The following CDH18 variants were observed in gnomAD, a reference collection of about 807,000 sequenced individuals.
CDH18 encodes cadherin 18.
In CDH18, 31 loss-of-function variants were observed where a neutral mutation model predicts 67.9. The observed-to-expected ratio is 0.46, with a 90% confidence interval of 0.34 to 0.62. CDH18 has a LOEUF of 0.62. Among genes scored for constraint, CDH18 ranks in the 20% least tolerant of loss-of-function variants. The pLI, the probability that CDH18 is intolerant of heterozygous loss-of-function variation, is 0.01. For synonymous variants in CDH18, 362 were observed against 347.2 expected (o/e 1.04, Z -0.48); for missense variants, 890 against 975.5 (o/e 0.91, Z 1.17).
intron 1 of CDH18, among the ~76,000 whole-genome samples, chr5:20,329,636 G>A (rs919952368): frequency 1.1e-4 from 17 of 151,870 alleles, no homozygotes; most frequent in Admixed American, 3.9e-4. Context: ...CGGACGTGGT[G>A]GTGGGCATCT....
intron 1 of CDH18, among the ~76,000 whole-genome samples, chr5:20,442,723 G>A (rs1460420045): frequency 6.6e-6 from 1 of 151,916 alleles, no homozygotes; most frequent in Non-Finnish European, 1.5e-5. Flanking sequence ...ACTGTTGCTG[G>A]AAAGGGGTCT....
intron 1 of CDH18, among the ~76,000 whole-genome samples, chr5:20,417,222 T>G (rs1042603863): frequency 6.6e-6 from 1 of 152,142 alleles, no homozygotes; most frequent in African/African-American, 2.4e-5. Flanking sequence ...TTTAATAACG[T>G]AGCTGTTCTG....
At chr5:20,078,867 C>T (rs1272237349) in intron 2 of CDH18, among the ~76,000 whole-genome samples, 2 of 152,172 alleles carry the variant, frequency 1.3e-5, no homozygotes, top group African/African-American at 2.4e-5. Context: ...CCACCCGCCT[C>T]GGCCTCCCAA....
rs553828730 is a variant in CDH18, at chr5:20,038,722, C to T, written c.-517-46708G>A. Among the ~76,000 whole-genome samples the T allele has an allele frequency of 3.3e-3, 499 of 152,146 alleles. 2 individuals are homozygous for T. The highest frequency in any genetic ancestry group is 0.012 in the African/African-American group (481 of 41,528). The stretch of plus-strand genomic sequence containing the variant: ...AATAATAAGAGCTATTTATGACAAA[C>T]CCACAGCCAATATCATACTTAATGG... On this transcript the variant is annotated intron_variant, in intron 2 of 14. Transcript: ENST00000507958.
intron 1 of CDH18, among the ~76,000 whole-genome samples, chr5:20,535,319 C>T (rs1364206236): frequency 6.6e-6 from 1 of 152,082 alleles, no homozygotes; most frequent in Non-Finnish European, 1.5e-5. Context: ...GACCCTAAAA[C>T]CTGGCAGATC....
intron 2 of CDH18, among the ~76,000 whole-genome samples, chr5:20,055,527 T>C (rs989284085): frequency 6.6e-6 from 1 of 152,236 alleles, no homozygotes; most frequent in African/African-American, 2.4e-5. Flanking sequence ...GCATATGATA[T>C]ATTTTAGTTG....
intron 5 of CDH18, among the ~76,000 whole-genome samples, chr5:19,720,466 T>A (rs541815689): frequency 2.6e-4 from 39 of 152,242 alleles, no homozygotes; most frequent in Non-Finnish European, 5.0e-4. Flanking sequence ...AAACTTGAGA[T>A]TTGTTACTGA....
intron 1 of CDH18, among the ~76,000 whole-genome samples, chr5:20,553,359 A>C (rs1757742266): frequency 6.6e-6 from 1 of 152,172 alleles, no homozygotes; most frequent in African/African-American, 2.4e-5. Flanking sequence ...AGCATTCTTT[A>C]GCATTGTTAC....
chr5:20,415,880 G>A lies in CDH18; in HGVS notation c.-580+159582C>T, dbSNP rs76908151. Among the ~76,000 whole-genome samples the A allele has an allele frequency of 1.4e-4, 21 of 152,212 alleles. No individual in the cohort carries two copies. In the East Asian group the frequency reaches 4.1e-3, roughly 29 times the overall value. ...GAGAACATTATGCTTATTGAAATAAGCCAGTCACAGAAGGACAAATGCTAC... is the reference window on the plus strand; with the variant it reads ...GAGAACATTATGCTTATTGAAATAAACCAGTCACAGAAGGACAAATGCTAC... On this transcript the variant is annotated intron_variant, in intron 1 of 14. Coordinates refer to the CDH18 transcript ENST00000507958.
chr5:20,271,599 G>C (rs183378247), intron 1 of CDH18, among the ~76,000 whole-genome samples: 1 of 151,870 alleles, frequency 6.6e-6, no homozygotes, highest in East Asian at 1.9e-4. Context: ...AAAGAAAGAA[G>C]ATACAACAAT....
chr5:19,724,378 G>A (rs76823816), intron 4 of CDH18, among the ~76,000 whole-genome samples: 1 of 152,154 alleles, frequency 6.6e-6, no homozygotes, highest in Non-Finnish European at 1.5e-5. Context: ...GAGCAAGGAA[G>A]TTTGGTATAG....
intron 2 of CDH18, among the ~76,000 whole-genome samples, chr5:20,002,949 G>A (rs1736569606): frequency 6.8e-6 from 1 of 147,942 alleles, no homozygotes; most frequent in Admixed American, 6.7e-5. Flanking sequence ...AAGTCAAAAA[G>A]GAAACCAACC....
At chr5:19,665,915 A>T (rs1202642643) in intron 5 of CDH18, among the ~76,000 whole-genome samples, 2 of 152,060 alleles carry the variant, frequency 1.3e-5, no homozygotes, top group East Asian at 3.9e-4. Context: ...GAAAGCACTG[A>T]TTTAATATTT....
intron 2 of CDH18, among the ~76,000 whole-genome samples, chr5:20,097,894 G>A (rs1231114227): frequency 2.0e-5 from 3 of 151,918 alleles, no homozygotes; most frequent in Non-Finnish European, 2.9e-5. Context: ...TAGGAAATTC[G>A]ACTTTTGTGA....
chr5:19,747,609 T>C (rs1770199109), intron 3 of CDH18, among the ~76,000 whole-genome samples: 2 of 152,090 alleles, frequency 1.3e-5, no homozygotes, highest in Admixed American at 1.3e-4. Flanking sequence ...AATAATATAT[T>C]TGGTTTTAAT....
rs371744857 is a variant in CDH18 at position 19,966,506 on chromosome 5, C to T, written c.-257+14554G>A. 5.9e-4 allele frequency among the ~76,000 whole-genome samples: 90 copies of T among 152,074 alleles called. No homozygotes were observed. The South Asian group carries it at 0.016, about 27-fold the overall frequency. On this transcript the variant is annotated intron_variant, in intron 2 of 12. Transcript: ENST00000382275. ...TGGTTATTTTCTTCTATATACAATACCTGAAGCATGGAGATGATATATTTA... is the reference window on the plus strand; with the variant it reads ...TGGTTATTTTCTTCTATATACAATATCTGAAGCATGGAGATGATATATTTA...
intron 2 of CDH18, among the ~76,000 whole-genome samples, chr5:20,018,237 T>A (rs560725740): frequency 2.0e-5 from 3 of 152,304 alleles, no homozygotes; most frequent in African/African-American, 7.2e-5. Flanking sequence ...AAATCCAGAT[T>A]TCAACATATT....
At chr5:20,415,448 C>A (rs1422143986) in intron 1 of CDH18, among the ~76,000 whole-genome samples, 1 of 152,072 alleles carries the variant, frequency 6.6e-6, no homozygotes, top group Non-Finnish European at 1.5e-5. Flanking sequence ...GTAGTACATA[C>A]ATACAGTGGA....
intron 1 of CDH18, among the ~76,000 whole-genome samples, chr5:20,392,731 G>A (rs1744970612): frequency 6.6e-6 from 1 of 151,792 alleles, no homozygotes; most frequent in Non-Finnish European, 1.5e-5. Flanking sequence ...ACAGTATATA[G>A]ATTGTACTAT....
Sources: gnomAD v4.1 joint callset for allele counts (sites outside exome capture counted in the v4.1 genomes callset) on GRCh38, gnomAD v4.1.1 for gene constraint, MANE v1.5 for transcripts, NCBI Gene and HGNC (gene_info 2026-07-23, HGNC 2026-07-21) for gene names.